The following SENP6 variants were observed in gnomAD, a reference collection of about 807,000 sequenced individuals.
The protein encoded by SENP6 is sentrin-specific protease 6.
In SENP6, 41 loss-of-function variants were observed where a neutral mutation model predicts 134.5. The observed-to-expected ratio is 0.30, with a 90% CI of 0.24 to 0.40. The LOEUF is 0.40. SENP6 is among the 10% of genes least tolerant of loss of function. The probability of loss-of-function intolerance (pLI) is 1.00; values close to 1 mark genes in which losing one functional copy is unlikely to be tolerated. For missense variants in SENP6, 1,248 were observed against 1,312.5 expected (o/e 0.95, Z 0.76); for synonymous variants, 395 against 429.8 (o/e 0.92, Z 1.00).
At chr6:75,662,206 A>C (rs1771832424) in intron 8 of SENP6, among the ~76,000 whole-genome samples, 1 of 152,186 alleles carries the variant, frequency 6.6e-6, no homozygotes, top group African/African-American at 2.4e-5. Flanking sequence ...ATAGTATGTG[A>C]TATGTAATTT....
At chr6:75,622,330 G>C (rs1488205180) in intron 2 of SENP6, among the ~76,000 whole-genome samples, 1 of 152,174 alleles carries the variant, frequency 6.6e-6, no homozygotes, top group Non-Finnish European at 1.5e-5. Flanking sequence ...GGCCGAGGCA[G>C]GTGGTTCATT....
chr6:75,630,068 CTT>C (rs35109678), intron 3 of SENP6, among the ~76,000 whole-genome samples: 41 of 139,406 alleles, frequency 2.9e-4, no homozygotes, highest in African/African-American at 2.1e-4. Flanking sequence ...CTTGTGATAA[CTT>C]TTTTTTTTTT....
Position 75,677,283 on chromosome 6 carries a change from A to G in SENP6, c.1848+27A>G, listed in dbSNP as rs372547197. 26 of 1,420,364 alleles carry G rather than the reference A, an allele frequency of 1.8e-5. 1 individual carries two copies. The highest frequency in any genetic ancestry group is 2.4e-5 in the Non-Finnish European group (25 of 1,042,924). 88.0% of individuals were successfully genotyped at this position (1,420,364 alleles called of 1,614,324 possible). A position where few individuals can be genotyped will look rare whatever the true frequency, so the allele number is the denominator to read the frequency against. ...TAATTATGTTTTTTAATTTAAAAAT[A>G]TTCTTAAATTGTGGGTAGTTTTAAA... On this transcript the variant is annotated intron_variant, in intron 14 of 23. Coordinates refer to ENST00000447266, the MANE Select transcript of SENP6 (RefSeq NM_015571.4).
chr6:75,700,811 AT>A (rs1417547689), intron 18 of SENP6, among the ~76,000 whole-genome samples: 1 of 152,108 alleles, frequency 6.6e-6, no homozygotes, highest in Non-Finnish European at 1.5e-5. Context: ...TTTAAAACAC[AT>A]TTTTTTCACA....
intron 18 of SENP6, among the ~76,000 whole-genome samples, chr6:75,700,402 G>A (rs957851051): frequency 6.6e-6 from 1 of 152,182 alleles, no homozygotes; most frequent in Non-Finnish European, 1.5e-5. Flanking sequence ...AGCCACATTG[G>A]CATAGCTAAG....
At chr6:75,621,292 T>C (rs1768250077) in intron 1 of SENP6, among the ~76,000 whole-genome samples, 1 of 152,236 alleles carries the variant, frequency 6.6e-6, no homozygotes, top group South Asian at 2.1e-4. Flanking sequence ...TTATTATAGC[T>C]TTCTAATCTG....
At chr6:75,652,890 T>TA (rs1771010115) in intron 7 of SENP6, among the ~76,000 whole-genome samples, 1 of 152,156 alleles carries the variant, frequency 6.6e-6, no homozygotes, top group Admixed American at 6.5e-5. Flanking sequence ...CTTACATGAT[T>TA]AATGGCCATT....
At chr6:75,701,886 CG>C (rs1355472684) in intron 18 of SENP6, among the ~76,000 whole-genome samples, 1 of 151,924 alleles carries the variant, frequency 6.6e-6, no homozygotes, top group East Asian at 1.9e-4. Context: ...GCAATCCACC[CG>C]CCTCGGCCTC....
chr6:75,625,268 T>C (rs1441362017), intron 3 of SENP6, among the ~76,000 whole-genome samples: 2 of 151,916 alleles, frequency 1.3e-5, no homozygotes, highest in Non-Finnish European at 2.9e-5. Flanking sequence ...TACACCACCA[T>C]GCCTGGCTAA....
At chr6:75,711,218 A>C in intron 20 of SENP6, 110 bp from the exon 21 acceptor site, 1 of 672,242 alleles carries the variant, frequency 1.5e-6, no homozygotes, top group Admixed American at 2.9e-5. Context: ...AATAGAGAAA[A>C]AGTTTTGACA....
chr6:75,680,428 A>G (rs1223554944), intron 16 of SENP6, among the ~76,000 whole-genome samples: 3 of 152,220 alleles, frequency 2.0e-5, no homozygotes. Context: ...AGAATGAATG[A>G]AATTGCTTAT....
At chr6:75,660,910 C>T (rs62415581) in intron 8 of SENP6, among the ~76,000 whole-genome samples, 40,104 of 152,004 alleles carry the variant, frequency 0.26, 6,232 homozygotes, top group Non-Finnish European at 0.37. Flanking sequence ...GGATTACAGG[C>T]GTGAGCCACC....
At chr6:75,654,581 G>C (rs1038330786) in intron 7 of SENP6, among the ~76,000 whole-genome samples, 5 of 152,212 alleles carry the variant, frequency 3.3e-5, no homozygotes, top group Non-Finnish European at 7.3e-5. Context: ...CTGAAAATCA[G>C]TAGCAGCTAC....
chr6:75,630,258 C>T (rs968266523), intron 3 of SENP6, among the ~76,000 whole-genome samples: 1 of 151,836 alleles, frequency 6.6e-6, no homozygotes, highest in Non-Finnish European at 1.5e-5. Flanking sequence ...TTAGTAGAGA[C>T]GGGGTTTCAC....
At chr6:75,642,146 C>A (rs981575397) in intron 6 of SENP6, among the ~76,000 whole-genome samples, 2 of 152,168 alleles carry the variant, frequency 1.3e-5, no homozygotes, top group Non-Finnish European at 2.9e-5. Flanking sequence ...TAGGCATACG[C>A]TTTTATTCAT....
chr6:75,705,682 CT>C (rs1322899112), intron 19 of SENP6, among the ~76,000 whole-genome samples: 1 of 151,992 alleles, frequency 6.6e-6, no homozygotes, highest in East Asian at 1.9e-4. Flanking sequence ...CCATAACATG[CT>C]ATAGTGTGTG....
intron 11 of SENP6, among the ~76,000 whole-genome samples, chr6:75,674,986 C>A (rs535049440): frequency 2.7e-4 from 41 of 152,034 alleles, no homozygotes; most frequent in Non-Finnish European, 3.4e-4. Context: ...ATAATTAATT[C>A]AGGCTATAAT....
intron 6 of SENP6, among the ~76,000 whole-genome samples, chr6:75,643,702 A>G (rs1461697706): frequency 2.6e-5 from 4 of 152,224 alleles, no homozygotes; most frequent in Non-Finnish European, 5.9e-5. Flanking sequence ...AGCCTGGGTG[A>G]CAGCAAGGCG....
At chr6:75,652,510 A>G (rs1230985436) in intron 7 of SENP6, among the ~76,000 whole-genome samples, 1 of 151,822 alleles carries the variant, frequency 6.6e-6, no homozygotes, top group Non-Finnish European at 1.5e-5. Context: ...CAAATGATAT[A>G]CAGATTTTTA....
Sources: gnomAD v4.1 joint callset for allele counts (sites outside exome capture counted in the v4.1 genomes callset) on GRCh38, gnomAD v4.1.1 for gene constraint, MANE v1.5 for transcripts, NCBI Gene and HGNC (gene_info 2026-07-23, HGNC 2026-07-21) for gene names.